The following PAXIP1 variants were observed in gnomAD, a reference collection of about 807,000 sequenced individuals.
PAXIP1 encodes the protein PAX interacting protein 1.
A neutral mutation model predicts 140.6 loss-of-function variants in PAXIP1; 19 were observed. The ratio of observed to expected loss-of-function variants is 0.14; its 90% CI spans 0.09 to 0.20. The LOEUF (loss-of-function observed/expected upper bound fraction) is 0.20, where lower values mean the gene tolerates loss of function less well. Ranked by LOEUF, PAXIP1 falls within the 10% of genes least tolerant of loss-of-function variation. PAXIP1 has a pLI of 1.00. For synonymous variants in PAXIP1, 442 were observed against 444.6 expected, an observed-to-expected ratio of 0.99 and a Z score of 0.07; for missense variants, 920 against 1,208.6, an observed-to-expected ratio of 0.76 and a Z score of 3.54.
In PAXIP1 at chr7:154,998,677, C is replaced by T. The variant is rs1291496788; in HGVS notation, c.189G>A (p.Arg63=). 2 of 1,613,570 alleles carry T rather than the reference C, an allele frequency of 1.2e-6. No homozygotes were observed. Among genetic ancestry groups the T allele is most frequent in the Non-Finnish European group, 1.7e-6 (2 of 1,179,612 alleles). ...DGDNPEVGEA[R]EVFDLPVVKP... ...TTACAACAGGTAAGTCAAAGACTTCCCGAGCTTCTCCCACCTCTGGATTGT... is the reference window on the plus strand; with the variant it reads ...TTACAACAGGTAAGTCAAAGACTTCTCGAGCTTCTCCCACCTCTGGATTGT... Residue 63 remains arginine (R), a synonymous_variant, in exon 2 of 21, where the codon CGG becomes CGA. Transcript: ENST00000404141.
intron 5 of PAXIP1, among the ~76,000 whole-genome samples, chr7:154,977,760 T>C (rs950115210): frequency 6.6e-6 from 1 of 151,412 alleles, no homozygotes; most frequent in African/African-American, 2.4e-5. Context: ...TATGTACATA[T>C]ATTAAAAGGG....
At position 154,967,843 on chromosome 7, in the gene PAXIP1, A is replaced by T; in HGVS notation, c.1866T>A (p.Asp622Glu). Residue 622 changes from aspartate to glutamate, a missense_variant, in exon 8 of 21, where the codon GAT (aspartate) becomes GAA (glutamate). Asp to Glu is a conservative substitution (Grantham distance 45). Around this residue, in one of 5 missense-constraint regions of PAXIP1, gnomAD observed 62 missense variants for 69.0 expected, o/e 0.90. Coordinates refer to ENST00000404141, the MANE Select transcript of PAXIP1 (RefSeq NM_007349.4). ...AIADYPEQMSDKQLLATWKRI... is the reference protein window; with the variant it reads ...AIADYPEQMSEKQLLATWKRI... Reference sequence around the variant, plus strand: ...TTTTCCAGGTGGCCAGCAGTTGCTTATCAGACATCTGCTCTGGATAATCCG... The same window carrying T: ...TTTTCCAGGTGGCCAGCAGTTGCTTTTCAGACATCTGCTCTGGATAATCCG... 1 of 1,613,508 alleles carries T rather than the reference A, an allele frequency of 6.2e-7. No homozygotes were observed. The highest frequency in any genetic ancestry group is 1.1e-5 in the South Asian group (1 of 91,052).
intron 8 of PAXIP1, chr7:154,965,558 CCT>C (rs1326670335): frequency 6.6e-6 from 1 of 152,344 alleles, no homozygotes; most frequent in African/African-American, 2.4e-5. Flanking sequence ...ACCAGCCCCT[CCT>C]GTCCCTCCTC....
chr7:154,993,845 G>C (rs1810458285), intron 2 of PAXIP1, 76 bp from the exon 3 acceptor site: 9 of 1,053,718 alleles, frequency 8.5e-6, no homozygotes, highest in Non-Finnish European at 1.4e-6. Context: ...GTTGTTCTTA[G>C]AAATTAAAAG....
intron 7 of PAXIP1, 40 bp downstream of exon 7, chr7:154,968,363 A>C (rs1337651427): frequency 6.7e-7 from 1 of 1,485,448 alleles, no homozygotes. Flanking sequence ...TGTGGGTACA[A>C]GACTTTTAGG....
chr7:154,985,326 A>AGC (rs1810020843), intron 4 of PAXIP1, among the ~76,000 whole-genome samples: 2 of 152,182 alleles, frequency 1.3e-5, no homozygotes, highest in African/African-American at 4.8e-5. Context: ...GTTGGCTAAT[A>AGC]ATGTCTCCTC....
intron 4 of PAXIP1, among the ~76,000 whole-genome samples, chr7:154,984,713 C>T (rs897316504): frequency 2.0e-5 from 3 of 152,228 alleles, no homozygotes; most frequent in Admixed American, 2.0e-4. Context: ...TATCCTGCAG[C>T]ATTGGAGAGT....
intron 7 of PAXIP1, among the ~76,000 whole-genome samples, 179 bp from the exon 8 acceptor site, chr7:154,968,089 T>TA (rs984518867): frequency 6.6e-6 from 1 of 152,214 alleles, no homozygotes; most frequent in Admixed American, 6.5e-5. Context: ...TTTAACTGTC[T>TA]ACATCAAATG....
chr7:154,958,578 A>C (rs1054124376), intron 13 of PAXIP1, among the ~76,000 whole-genome samples: 41 of 152,244 alleles, frequency 2.7e-4, no homozygotes, highest in African/African-American at 9.6e-4. Flanking sequence ...TAGCCTTTAT[A>C]AGAAAGCAAT....
chr7:154,979,642 TA>T (rs1459539424), intron 5 of PAXIP1, among the ~76,000 whole-genome samples: 2 of 88,282 alleles, frequency 2.3e-5, no homozygotes, highest in East Asian at 3.0e-4. Context: ...AGAACATAAT[TA>T]TATTATGTTA....
intron 16 of PAXIP1, chr7:154,951,775 G>T (rs1436436643): frequency 6.6e-6 from 1 of 152,178 alleles, no homozygotes; most frequent in Non-Finnish European, 1.5e-5. Context: ...TAAATTGGCT[G>T]CTTGGCAAAC....
Position 154,967,897 on chromosome 7 carries a change from G to A in PAXIP1, c.1812C>T (p.Gly604=). 1.9e-6 allele frequency: 3 copies of A among 1,611,342 alleles called. No individual in the cohort carries two copies. The highest frequency in any genetic ancestry group is 1.1e-5 in the South Asian group (1 of 90,694). Residue 604 remains glycine (G), a synonymous_variant, in exon 8 of 21, where the codon GGC becomes GGT. Transcript: ENST00000404141. ...HDPAVEIPEE[G]FLLGCVFAIA... ...TTGCAAACACACATCCCAATAAGAA[G>A]CCTTCTTCTGGAACTAGAGTAAAAT...
chr7:154,983,375 T>A, intron 4 of PAXIP1, 43 bp from the exon 5 acceptor site: 2 of 905,674 alleles, frequency 2.2e-6, no homozygotes, highest in East Asian at 2.5e-5. Context: ...TACATTTCAA[T>A]CTGTGCATGG....
At chr7:154,948,152 TATTTC>T in intron 16 of PAXIP1, 149 bp from the exon 17 acceptor site, 1 of 636,752 alleles carries the variant, frequency 1.6e-6, no homozygotes, top group Non-Finnish European at 2.8e-6. Context: ...GTCACCATTA[TATTTC>T]ATTTACTTCC....
chr7:154,983,589 C>T, intron 4 of PAXIP1: 1 of 281,186 alleles, frequency 3.6e-6, no homozygotes, highest in Non-Finnish European at 6.5e-6. Flanking sequence ...TATTTATATC[C>T]ACATTCCAAA....
chr7:154,958,790 T>C (rs1808639154), intron 13 of PAXIP1, among the ~76,000 whole-genome samples: 1 of 152,220 alleles, frequency 6.6e-6, no homozygotes, highest in South Asian at 2.1e-4. Context: ...ATATAGGCCA[T>C]GTAGTTTGGG....
intron 11 of PAXIP1, among the ~76,000 whole-genome samples, chr7:154,961,281 G>GTCTTACT (rs1166016710): frequency 6.6e-6 from 1 of 152,142 alleles, no homozygotes; most frequent in African/African-American, 2.4e-5. Context: ...CCACTAAGGA[G>GTCTTACT]TCTTACTTCT....
At chr7:154,969,236 A>G (rs1049047603) in intron 6 of PAXIP1, 110 bp from the exon 7 acceptor site, 5 of 1,145,202 alleles carry the variant, frequency 4.4e-6, no homozygotes, top group Non-Finnish European at 5.9e-6. Context: ...TATTCAACTA[A>G]GTAGACACAG....
intron 8 of PAXIP1, 95 bp downstream of exon 8, chr7:154,967,721 C>A (rs1809086334): frequency 2.9e-5 from 23 of 793,454 alleles, no homozygotes; most frequent in African/African-American, 6.9e-5. Context: ...CGTGCAGGTG[C>A]AGCTCAGTGA....
Sources: gnomAD v4.1 joint callset for allele counts (sites outside exome capture counted in the v4.1 genomes callset) on GRCh38, gnomAD v4.1.1 for gene constraint, gnomAD v4.1.1 regional missense constraint, MANE v1.5 for transcripts, NCBI Gene and HGNC (gene_info 2026-07-23, HGNC 2026-07-21) for gene names.